The following APCDD1L variants were observed in gnomAD, a reference collection of about 807,000 sequenced individuals.
APCDD1L encodes the protein protein APCDD1-like.
Under a neutral mutation model 24.2 loss-of-function variants are expected in APCDD1L, and 21 were observed. The observed-to-expected ratio is 0.87, with a 90% CI of 0.61 to 1.25. APCDD1L has a LOEUF of 1.25. Among genes scored for constraint, APCDD1L ranks in the 50% most tolerant of loss-of-function variants. The probability of loss-of-function intolerance (pLI) is 0.00; values close to 1 mark genes in which losing one functional copy is unlikely to be tolerated. For synonymous variants in APCDD1L, 321 were observed against 323.6 expected (o/e 0.99, Z 0.09); for missense variants, 704 against 711.7 (o/e 0.99, Z 0.12).
chr20:58,469,203 T>C (rs988836537), intron 2 of APCDD1L, among the ~76,000 whole-genome samples: 11 of 152,222 alleles, frequency 7.2e-5, no homozygotes, highest in African/African-American at 2.4e-4. Context: ...ACTGTCAATG[T>C]ATGCCAATTA....
In APCDD1L at chr20:58,466,672, A is replaced by G. The variant is rs370444416; in HGVS notation, c.741+434T>C. ...GGGAGAGGCAATAAACAAGTCACCA[A>G]CAGAGCTTCAGAGCGGGCTGAGAGC... On this transcript the variant is annotated intron_variant, in intron 3 of 3. Coordinates refer to ENST00000371149, the MANE Select transcript of APCDD1L (RefSeq NM_153360.3). 4.6e-5 allele frequency among the ~76,000 whole-genome samples: 7 copies of G among 152,332 alleles called. No individual in the cohort carries two copies. In the South Asian group the frequency reaches 8.3e-4, roughly 18 times the overall value.
At chr20:58,472,145 A>T (rs6026294) in intron 1 of APCDD1L, among the ~76,000 whole-genome samples, 6 of 151,984 alleles carry the variant, frequency 3.9e-5, no homozygotes, top group African/African-American at 1.5e-4. Flanking sequence ...TGGATTCCTC[A>T]GTTCCCTTGA....
chr20:58,472,075 G>A (rs73300711), intron 1 of APCDD1L, among the ~76,000 whole-genome samples: 241 of 152,318 alleles, frequency 1.6e-3, no homozygotes, highest in African/African-American at 5.4e-3. Flanking sequence ...CTGCCCCCGC[G>A]GAGCTGCCTG....
chr20:58,475,428 G>A (rs561926358), intron 1 of APCDD1L, among the ~76,000 whole-genome samples: 45 of 152,044 alleles, frequency 3.0e-4, no homozygotes, highest in African/African-American at 8.9e-4. Context: ...TGCATGGCCC[G>A]TTTTTCTGAG....
chr20:58,478,858 G>A (rs182354592), intron 1 of APCDD1L, among the ~76,000 whole-genome samples: 27 of 152,074 alleles, frequency 1.8e-4, no homozygotes, highest in Non-Finnish European at 1.2e-4. Flanking sequence ...AGCAGGCTGG[G>A]GGCCCAGGCT....
chr20:58,509,436 T>C (rs1054674889), intron 1 of APCDD1L, among the ~76,000 whole-genome samples: 2 of 152,180 alleles, frequency 1.3e-5, no homozygotes, highest in Non-Finnish European at 2.9e-5. Context: ...TGCCTAGCTC[T>C]CCTTGGGCAA....
At chr20:58,510,373 C>T (rs1990604252) in intron 1 of APCDD1L, among the ~76,000 whole-genome samples, 2 of 152,192 alleles carry the variant, frequency 1.3e-5, no homozygotes. Context: ...CGCCCTGTTG[C>T]CCAGGCTGGA....
intron 1 of APCDD1L, among the ~76,000 whole-genome samples, chr20:58,499,306 G>A (rs1360599754): frequency 6.6e-6 from 1 of 152,098 alleles, no homozygotes; most frequent in Non-Finnish European, 1.5e-5. Flanking sequence ...ACCTCTGGAC[G>A]GCCACATGGC....
At chr20:58,495,269 C>CA (rs957120943) in intron 1 of APCDD1L, among the ~76,000 whole-genome samples, 113 of 152,278 alleles carry the variant, frequency 7.4e-4, no homozygotes, top group African/African-American at 2.5e-3. Flanking sequence ...GCCCCTTGTT[C>CA]AAAAAGTTTT....
intron 1 of APCDD1L, among the ~76,000 whole-genome samples, chr20:58,513,280 T>C (rs1990666171): frequency 6.6e-6 from 1 of 152,146 alleles, no homozygotes; most frequent in Non-Finnish European, 1.5e-5. Flanking sequence ...AGTTTGCATT[T>C]TCCTGCCCTT....
rs779565695 is a variant in APCDD1L, at chr20:58,508,068, G to A, written c.49+6591C>T. ...TACAACTCATTTGGAAAAAAAGCTG[G>A]TGGGAGAATTTAGCAAACACACTTT... On this transcript the variant is annotated intron_variant, in intron 1 of 3. Coordinates refer to ENST00000371149, the MANE Select transcript of APCDD1L (RefSeq NM_153360.3). This position sits in a 1 kb window ranked among gnomAD's most constrained non-coding sequence, Gnocchi z 4.0. 1.2e-4 allele frequency among the ~76,000 whole-genome samples: 19 copies of A among 152,352 alleles called. No individual in the cohort carries two copies. The highest frequency in any genetic ancestry group is 2.6e-4 in the Non-Finnish European group (18 of 68,040).
rs1989614479 is a variant in APCDD1L at position 58,461,722 on chromosome 20, G to C, written c.742-168C>G. 1.5e-6 allele frequency: 1 copy of C among 658,564 alleles called. No homozygotes were observed. Among genetic ancestry groups the C allele is most frequent in the African/African-American group, 1.9e-5 (1 of 53,800 alleles). The allele number at this position is 658,564 out of a possible 1,614,324, so 40.8% of individuals were successfully genotyped here. A position where few individuals can be genotyped will look rare whatever the true frequency, so the allele number is the denominator to read the frequency against. On this transcript the variant is annotated intron_variant, in intron 3 of 3. Coordinates refer to ENST00000371149, the MANE Select transcript of APCDD1L (RefSeq NM_153360.3). The surrounding 1 kb of genome is among the most constrained non-coding windows in gnomAD (Gnocchi z 6.0). The stretch of plus-strand genomic sequence containing the variant: ...TGCCTTCAGTCAGGACGACCTCCTT[G>C]CTTCAGCCAGGATGGCCTCCTTGAT...
intron 3 of APCDD1L, among the ~76,000 whole-genome samples, chr20:58,464,847 T>A (rs1025721368): frequency 8.9e-6 from 1 of 112,066 alleles, no homozygotes; most frequent in Non-Finnish European, 1.9e-5. Flanking sequence ...ATCTGTCTTT[T>A]CTTTCTTTCT....
intron 1 of APCDD1L, among the ~76,000 whole-genome samples, chr20:58,483,554 T>A (rs567862839): frequency 7.2e-5 from 11 of 152,276 alleles, no homozygotes; most frequent in African/African-American, 2.4e-4. Context: ...TAGATTATTT[T>A]AAAAAATAAG....
chr20:58,487,043 G>T (rs1990132143), intron 1 of APCDD1L, among the ~76,000 whole-genome samples: 1 of 151,822 alleles, frequency 6.6e-6, no homozygotes, highest in African/African-American at 2.4e-5. Context: ...TGTATTTTCA[G>T]TAGAGACGAG....
intron 1 of APCDD1L, among the ~76,000 whole-genome samples, chr20:58,489,275 G>A (rs753047542): frequency 6.6e-6 from 1 of 151,984 alleles, no homozygotes; most frequent in Non-Finnish European, 1.5e-5. Context: ...AGTGGCTCAC[G>A]CCTGTAATCC....
intron 1 of APCDD1L, among the ~76,000 whole-genome samples, chr20:58,511,810 G>A (rs906764997): frequency 7.2e-5 from 11 of 152,082 alleles, no homozygotes; most frequent in Admixed American, 6.5e-4. Flanking sequence ...TTATGGAATA[G>A]CTTGTGATTT....
intron 3 of APCDD1L, among the ~76,000 whole-genome samples, chr20:58,463,899 G>T (rs1989661902): frequency 7.2e-6 from 1 of 138,658 alleles, no homozygotes; most frequent in African/African-American, 2.6e-5. Context: ...TTTTTTGGGG[G>T]GGGGGGGCGT....
At chr20:58,514,277 G>C (rs1194504899) in intron 1 of APCDD1L, among the ~76,000 whole-genome samples, 1 of 152,174 alleles carries the variant, frequency 6.6e-6, no homozygotes, top group Admixed American at 6.5e-5. Flanking sequence ...ACCTTGGTCT[G>C]AATAGCCGGG....
Sources: gnomAD v4.1 joint callset for allele counts (sites outside exome capture counted in the v4.1 genomes callset) on GRCh38, gnomAD v4.1.1 for gene constraint, Gnocchi (gnomAD v3.1) non-coding constraint, MANE v1.5 for transcripts, NCBI Gene and HGNC (gene_info 2026-07-23, HGNC 2026-07-21) for gene names.